Variants in EPC2 observed in about 807,000 individuals in gnomAD.
EPC2 encodes enhancer of polycomb 2.
EPC2 carries 14 observed loss-of-function variants against 92.1 expected under a neutral mutation model. That is an observed-to-expected ratio of 0.15 (90% CI 0.10 to 0.24). The LOEUF (loss-of-function observed/expected upper bound fraction) is 0.24, where lower values mean the gene tolerates loss of function less well. Ranked by LOEUF, EPC2 falls within the 10% of genes least tolerant of loss-of-function variation. The probability of loss-of-function intolerance (pLI) is 1.00; values close to 1 mark genes in which losing one functional copy is unlikely to be tolerated. For synonymous variants in EPC2, 340 were observed against 334.7 expected (o/e 1.02, Z -0.17); for missense variants, 755 against 971.5 (o/e 0.78, Z 2.96).
intron 1 of EPC2, among the ~76,000 whole-genome samples, chr2:148,653,660 C>T (rs1680731988): frequency 6.6e-6 from 1 of 151,328 alleles, no homozygotes; most frequent in South Asian, 2.1e-4. Context: ...GTCAGCCTAT[C>T]TGCTACCTCT....
chr2:148,658,896 C>T (rs1680877621), intron 1 of EPC2, among the ~76,000 whole-genome samples: 1 of 150,920 alleles, frequency 6.6e-6, no homozygotes. Context: ...ATCTTTTCCC[C>T]CTTTGTGTAG....
intron 10 of EPC2, among the ~76,000 whole-genome samples, chr2:148,772,102 A>G (rs1326871265): frequency 2.6e-5 from 4 of 152,142 alleles, no homozygotes; most frequent in African/African-American, 7.2e-5. Flanking sequence ...CCCGGCCCCT[A>G]TGAATAATAA....
intron 12 of EPC2, among the ~76,000 whole-genome samples, 153 bp downstream of exon 12, chr2:148,783,909 G>C (rs185491757): frequency 1.3e-5 from 2 of 152,292 alleles, no homozygotes; most frequent in East Asian, 3.9e-4. Context: ...GAAATAGGTA[G>C]ATGTTTTCTA....
At chr2:148,650,927 G>C (rs1251902473) in intron 1 of EPC2, among the ~76,000 whole-genome samples, 1 of 152,088 alleles carries the variant, frequency 6.6e-6, no homozygotes, top group African/African-American at 2.4e-5. Flanking sequence ...TGAAATGTTA[G>C]GAATAAAAGA....
intron 3 of EPC2, among the ~76,000 whole-genome samples, chr2:148,745,431 C>T (rs10201156): frequency 0.73 from 110,176 of 151,880 alleles, 41,400 homozygotes; most frequent in Non-Finnish European, 0.85. Context: ...GTGAGTAAGA[C>T]AGATGACAAA....
At chr2:148,753,079 C>T (rs943770043) in intron 3 of EPC2, among the ~76,000 whole-genome samples, 1 of 152,138 alleles carries the variant, frequency 6.6e-6, no homozygotes, top group South Asian at 2.1e-4. Context: ...ATATGTGTAA[C>T]CCCCATTCCA....
chr2:148,771,044 G>A lies in EPC2; in HGVS notation c.1377G>A (p.Arg459=), dbSNP rs1158034999. The A allele has an allele frequency of 6.2e-7, 1 of 1,600,436 alleles. No homozygotes were observed. Among genetic ancestry groups the A allele is most frequent in the Non-Finnish European group, 8.5e-7 (1 of 1,174,178 alleles). Residue 459 remains arginine, a splice_region_variant and synonymous_variant, in exon 10 of 14, where the codon AGG becomes AGA. Coordinates refer to ENST00000258484, the MANE Select transcript of EPC2 (RefSeq NM_015630.4). ...FARRRIGRGG[R]VIMDRISTEH... is the part of the protein sequence containing the mutation. Reference sequence around the variant, plus strand: ...TATTTGGTTTTATTTTGCTTTTCAGGGTCATAATGGACCGAATATCCACAG... The same window carrying A: ...TATTTGGTTTTATTTTGCTTTTCAGAGTCATAATGGACCGAATATCCACAG...
Position 148,644,841 on chromosome 2 carries a change from G to C in EPC2, c.-177G>C. On this transcript the variant is annotated 5_prime_UTR_variant, in exon 1 of 14. Coordinates refer to ENST00000258484, the MANE Select transcript of EPC2 (RefSeq NM_015630.4). ...GTGTGGAGGCGGCCGCGGGCGCGGG[G>C]GGCTGTTTTCGGGCGGGGTGGGCGC... The C allele has an allele frequency of 1.8e-6, 1 of 556,142 alleles. No homozygotes were observed. Among genetic ancestry groups the C allele is most frequent in the Non-Finnish European group, 3.1e-6 (1 of 321,400 alleles). The allele number at this position is 556,142 out of a possible 1,614,324, so 34.5% of individuals were successfully genotyped here. A position where few individuals can be genotyped will look rare whatever the true frequency, so the allele number is the denominator to read the frequency against.
intron 1 of EPC2, among the ~76,000 whole-genome samples, chr2:148,686,665 A>G (rs527336737): frequency 1.3e-5 from 2 of 152,340 alleles, no homozygotes; most frequent in Admixed American, 6.5e-5. Flanking sequence ...TGCAGAATGA[A>G]TGTTGTCTTA....
intron 11 of EPC2, 58 bp from the exon 12 acceptor site, chr2:148,783,539 A>T: frequency 1.3e-6 from 2 of 1,517,236 alleles, no homozygotes; most frequent in Middle Eastern, 1.8e-4. Flanking sequence ...CCCATCCCTT[A>T]ATATGTTCAT....
At chr2:148,654,891 AT>A (rs913817669) in intron 1 of EPC2, among the ~76,000 whole-genome samples, 4 of 151,954 alleles carry the variant, frequency 2.6e-5, no homozygotes, top group South Asian at 2.1e-4. Context: ...CCTCAGAATG[AT>A]TTTTTTTAGG....
chr2:148,776,875 T>TTTG (rs1426603338), intron 10 of EPC2, among the ~76,000 whole-genome samples: 2 of 147,966 alleles, frequency 1.4e-5, no homozygotes, highest in Non-Finnish European at 3.0e-5. Flanking sequence ...TTTTTTTTTT[T>TTTG]TTTGAGACAG....
chr2:148,689,201 G>A (rs539678251), intron 1 of EPC2, among the ~76,000 whole-genome samples: 2 of 151,482 alleles, frequency 1.3e-5, no homozygotes, highest in East Asian at 3.9e-4. Flanking sequence ...TTTTTGAGAC[G>A]GAGTCTCGCT....
chr2:148,714,092 G>C (rs73020822), intron 2 of EPC2, among the ~76,000 whole-genome samples: 1,411 of 130,552 alleles, frequency 0.011, 22 homozygotes, highest in African/African-American at 0.04. Flanking sequence ...AGTGTGGGTC[G>C]TTCCCCCCAT....
At chr2:148,739,833 C>CTTTTTTTTTTTTTTTTTTTTTTTTTT (rs144868417) in intron 2 of EPC2, among the ~76,000 whole-genome samples, 4 of 81,294 alleles carry the variant, frequency 4.9e-5, no homozygotes, top group African/African-American at 4.6e-5. Flanking sequence ...TCTTCTTCTT[C>CTTTTTTTTTTTTTTTTTTTTTTTTTT]TTTTTTTTTT....
At chr2:148,680,157 T>G (rs1355786510) in intron 1 of EPC2, among the ~76,000 whole-genome samples, 1 of 152,092 alleles carries the variant, frequency 6.6e-6, no homozygotes, top group East Asian at 1.9e-4. Context: ...TCTGCCTCGC[T>G]TATTTATTTC....
Position 148,787,369 on chromosome 2 carries a change from T to C in EPC2, c.*992T>C, listed in dbSNP as rs574682477. The C allele has an allele frequency of 6.5e-6, 1 of 152,678 alleles. No homozygotes were observed. Among genetic ancestry groups the C allele is most frequent in the South Asian group, 2.1e-4 (1 of 4,828 alleles). 9.5% of individuals were successfully genotyped at this position (152,678 alleles called of 1,614,324 possible). A position where few individuals can be genotyped will look rare whatever the true frequency, so the allele number is the denominator to read the frequency against. ...CTGTGGCTACAAGGCAAGTAACGGG[T>C]TGGAAAAAGTCTGACTGTAAGCGTT... On this transcript the variant is annotated 3_prime_UTR_variant, in exon 14 of 14. Transcript: ENST00000258484.
chr2:148,747,248 C>T (rs1683002462), intron 3 of EPC2, among the ~76,000 whole-genome samples: 1 of 152,000 alleles, frequency 6.6e-6, no homozygotes, highest in African/African-American at 2.4e-5. Flanking sequence ...ACAGAACTCT[C>T]CTTCTAACAC....
chr2:148,728,808 A>G (rs1409228571), intron 2 of EPC2, among the ~76,000 whole-genome samples: 1 of 151,498 alleles, frequency 6.6e-6, no homozygotes, highest in Non-Finnish European at 1.5e-5. Flanking sequence ...CAAGGCGGGC[A>G]GATCACGAGG....
Sources: allele counts gnomAD v4.1 joint callset (sites outside exome capture counted in the v4.1 genomes callset), GRCh38; gene constraint gnomAD v4.1.1; transcripts MANE v1.5; gene names NCBI Gene and HGNC (gene_info 2026-07-23, HGNC 2026-07-21).